DPH6: variants seen among roughly 807,000 people sequenced by gnomAD.
DPH6 encodes the protein diphthamine biosynthesis 6, also known as diphthine--ammonia ligase.
A neutral mutation model predicts 38.2 loss-of-function variants in DPH6; 33 were observed. The ratio of observed to expected loss-of-function variants is 0.86; its 90% confidence interval spans 0.65 to 1.15. The LOEUF is 1.15. DPH6 is among the 50% of genes most tolerant of loss of function. The pLI is 0.00. For synonymous variants in DPH6, 108 were observed against 103.0 expected, an observed-to-expected ratio of 1.05 and a Z score of -0.30; for missense variants, 325 against 320.0, an observed-to-expected ratio of 1.02 and a Z score of -0.12.
chr15:35,537,033 C>A (rs1233024908), intron 3 of DPH6, among the ~76,000 whole-genome samples: 1 of 152,008 alleles, frequency 6.6e-6, no homozygotes, highest in Non-Finnish European at 1.5e-5. Context: ...TTTTTCTTAT[C>A]AGTTTCTTTT....
intron 3 of DPH6, among the ~76,000 whole-genome samples, chr15:35,336,354 A>C (rs2140870510): frequency 6.6e-6 from 1 of 151,258 alleles, no homozygotes; most frequent in Middle Eastern, 3.4e-3. Flanking sequence ...TATTTCTTGG[A>C]GGCTTTGTTC....
At chr15:35,203,109 A>C in the DPH6 span, among the ~76,000 whole-genome samples, 1 of 151,830 alleles carries the variant, frequency 6.6e-6, no homozygotes, top group African/African-American at 2.4e-5. Context: ...TCATGGGAAT[A>C]AAAAGGAAAC....
Position 35,436,420 on chromosome 15 carries a change from G to C in DPH6, c.505+14265C>G, listed in dbSNP as rs368473395. ...GGCGGAGCTTGCAATGAGCCGAGAT[G>C]GCGCCACTGCGCTCCAGCCTGGGAG... On this transcript the variant is annotated intron_variant, in intron 5 of 8. Coordinates refer to ENST00000256538, the MANE Select transcript of DPH6 (RefSeq NM_080650.4). 1.9e-4 allele frequency among the ~76,000 whole-genome samples: 29 copies of C among 150,390 alleles called. No homozygotes were observed. The East Asian group carries it at 3.2e-3, about 17-fold the overall frequency.
At chr15:35,165,214 C>A in the DPH6 span, among the ~76,000 whole-genome samples, 1 of 151,910 alleles carries the variant, frequency 6.6e-6, no homozygotes, top group Non-Finnish European at 1.5e-5. Flanking sequence ...TATTCTAAGA[C>A]TTAAATTGTA....
chr15:35,299,254 T>C, intron 3 of DPH6: 1 of 1,107,962 alleles, frequency 9.0e-7, no homozygotes, highest in Non-Finnish European at 1.4e-6. Flanking sequence ...ATTTGCCCGG[T>C]CATCTGAGGA....
intron 6 of DPH6, among the ~76,000 whole-genome samples, chr15:35,384,585 C>A (rs1234737757): frequency 2.6e-5 from 4 of 152,092 alleles, no homozygotes; most frequent in South Asian, 4.1e-4. Context: ...ATCGCTTGAA[C>A]CCAGGAGGCG....
chr15:35,441,928 A>G (rs1440460701), intron 5 of DPH6, among the ~76,000 whole-genome samples: 1 of 152,158 alleles, frequency 6.6e-6, no homozygotes, highest in African/African-American at 2.4e-5. Flanking sequence ...AAAGTATAAA[A>G]CTCTTAGAAG....
In DPH6 at chr15:35,502,513, T is replaced by C. The variant is rs547285195; in HGVS notation, c.312+35761A>G. On this transcript the variant is annotated intron_variant, in intron 3 of 8. Coordinates refer to ENST00000256538, the MANE Select transcript of DPH6 (RefSeq NM_080650.4). The stretch of plus-strand genomic sequence containing the variant: ...ATTCCACTTCTCATCAATTAAAGAA[T>C]AGTAAGTAGTTAACACTGGAGCATT... Among the ~76,000 whole-genome samples the C allele has an allele frequency of 2.6e-4, 40 of 152,098 alleles. 1 individual carries two copies. The highest frequency in any genetic ancestry group is 1.9e-3 in the Admixed American group (29 of 15,258).
chr15:35,468,859 G>A (rs7168917), intron 3 of DPH6, among the ~76,000 whole-genome samples: 2,834 of 152,262 alleles, frequency 0.019, 89 homozygotes, highest in African/African-American at 0.063. Flanking sequence ...ACAGGTGTTC[G>A]GAGTTCAAGA....
chr15:35,474,298 G>A (rs1486784469), intron 3 of DPH6, among the ~76,000 whole-genome samples: 2 of 152,122 alleles, frequency 1.3e-5, no homozygotes, highest in Non-Finnish European at 2.9e-5. Flanking sequence ...ATTACTGCCT[G>A]AAGTGCTGTT....
intron 3 of DPH6, among the ~76,000 whole-genome samples, chr15:35,221,612 C>T (rs866808139): frequency 4.6e-5 from 7 of 152,194 alleles, no homozygotes; most frequent in Middle Eastern, 3.2e-3. Context: ...ATGGGAAAGA[C>T]ATCCTGGAAG....
chr15:35,336,319 G>C (rs986573533), intron 3 of DPH6, among the ~76,000 whole-genome samples: 4 of 151,714 alleles, frequency 2.6e-5, no homozygotes, highest in Non-Finnish European at 5.9e-5. Flanking sequence ...ATCAGACGAA[G>C]ATTTGGTCTT....
the DPH6 span, among the ~76,000 whole-genome samples, chr15:35,166,859 G>T: frequency 6.6e-6 from 1 of 151,946 alleles, no homozygotes; most frequent in Non-Finnish European, 1.5e-5. Context: ...GGTGGGGCAA[G>T]CTGGAGGGAG....
intron 3 of DPH6, chr15:35,520,769 AT>A (rs1268141577): frequency 1.0e-6 from 1 of 984,638 alleles, no homozygotes; most frequent in Non-Finnish European, 1.2e-6. Context: ...TGAAAAAAAA[AT>A]CCTCCATTAA....
At chr15:35,353,878 C>T (rs1200172076) in intron 3 of DPH6, among the ~76,000 whole-genome samples, 1 of 152,108 alleles carries the variant, frequency 6.6e-6, no homozygotes, top group Non-Finnish European at 1.5e-5. Context: ...GGCAGTATAG[C>T]CATTTTCACG....
intron 3 of DPH6, among the ~76,000 whole-genome samples, chr15:35,272,742 T>G (rs1419136578): frequency 6.6e-6 from 1 of 151,950 alleles, no homozygotes; most frequent in African/African-American, 2.4e-5. Flanking sequence ...AACCCATCTC[T>G]ACCAAAAATA....
At chr15:35,499,276 G>A (rs1202581428) in intron 3 of DPH6, among the ~76,000 whole-genome samples, 1 of 152,098 alleles carries the variant, frequency 6.6e-6, no homozygotes, top group African/African-American at 2.4e-5. Context: ...ATTATTCTAA[G>A]GTCAGGACTT....
intron 5 of DPH6, among the ~76,000 whole-genome samples, chr15:35,447,036 T>G (rs972282112): frequency 1.3e-5 from 2 of 151,990 alleles, no homozygotes; most frequent in Non-Finnish European, 2.9e-5. Flanking sequence ...GCATGGCTAA[T>G]TTTTTTGTAT....
intron 3 of DPH6, among the ~76,000 whole-genome samples, chr15:35,255,436 T>C (rs957314162): frequency 6.6e-6 from 1 of 152,208 alleles, no homozygotes; most frequent in Non-Finnish European, 1.5e-5. Flanking sequence ...TGGTCTAAAA[T>C]TCAATAGTTA....
Sources: gnomAD v4.1 joint callset for allele counts (sites outside exome capture counted in the v4.1 genomes callset) on GRCh38, gnomAD v4.1.1 for gene constraint, MANE v1.5 for transcripts, NCBI Gene and HGNC (gene_info 2026-07-23, HGNC 2026-07-21) for gene names.